The following RB1 variants were observed in gnomAD, a reference collection of about 807,000 sequenced individuals.
RB1 encodes the protein retinoblastoma-associated protein.
Under a neutral mutation model 135.4 loss-of-function variants are expected in RB1, and 18 were observed. That is an observed-to-expected ratio of 0.13 (90% CI 0.09 to 0.20). The LOEUF is 0.20. Among genes scored for constraint, RB1 ranks in the 10% least tolerant of loss-of-function variants. The pLI, the probability that RB1 is intolerant of heterozygous loss-of-function variation, is 1.00. For missense variants in RB1, 868 were observed against 1,110.0 expected (o/e 0.78, Z 3.10); for synonymous variants, 365 against 373.2 (o/e 0.98, Z 0.25).
intron 7 of RB1, 123 bp from the exon 8 acceptor site, chr13:48,362,692 C>G (rs1441897003): frequency 9.7e-7 from 1 of 1,027,446 alleles, no homozygotes; most frequent in East Asian, 2.6e-5. Flanking sequence ...TCTAATGAAA[C>G]CTAATAAGTA....
At chr13:48,307,878 T>C (rs1398344636) in intron 2 of RB1, among the ~76,000 whole-genome samples, 1 of 150,284 alleles carries the variant, frequency 6.7e-6, no homozygotes, top group East Asian at 2.0e-4. Flanking sequence ...AAAAAAAGTT[T>C]GAAAAAAATT....
At chr13:48,383,973 T>C (rs1044451242) in intron 17 of RB1, among the ~76,000 whole-genome samples, 2 of 152,084 alleles carry the variant, frequency 1.3e-5, no homozygotes, top group Admixed American at 6.6e-5. Flanking sequence ...TTGAGAGAGA[T>C]ACTGTGAAGA....
intron 17 of RB1, among the ~76,000 whole-genome samples, chr13:48,424,386 C>CTTT (rs1949050412): frequency 6.6e-6 from 1 of 151,994 alleles, no homozygotes; most frequent in Non-Finnish European, 1.5e-5. Flanking sequence ...GTTGAACCAA[C>CTTT]TTTTATAGAG....
intron 17 of RB1, among the ~76,000 whole-genome samples, chr13:48,401,634 A>C (rs936013420): frequency 6.6e-6 from 1 of 152,158 alleles, no homozygotes; most frequent in East Asian, 1.9e-4. Context: ...TGGTGTTGTT[A>C]CTAATTTACT....
At chr13:48,358,831 A>C (rs117076800) in intron 6 of RB1, among the ~76,000 whole-genome samples, 1 of 152,150 alleles carries the variant, frequency 6.6e-6, no homozygotes, top group Admixed American at 6.6e-5. Flanking sequence ...AATGAAAGCA[A>C]AAGAATGTAC....
intron 2 of RB1, among the ~76,000 whole-genome samples, chr13:48,333,890 C>T (rs1171034693): frequency 6.6e-6 from 1 of 151,868 alleles, no homozygotes; most frequent in African/African-American, 2.4e-5. Context: ...CTTCAGGATG[C>T]TTACATATTC....
At chr13:48,419,586 A>G (rs999174080) in intron 17 of RB1, among the ~76,000 whole-genome samples, 1 of 152,210 alleles carries the variant, frequency 6.6e-6, no homozygotes, top group African/African-American at 2.4e-5. Context: ...CAAAAAATCA[A>G]TGAATCCAGG....
intron 17 of RB1, among the ~76,000 whole-genome samples, chr13:48,428,757 A>G (rs999565357): frequency 5.9e-5 from 9 of 152,246 alleles, no homozygotes; most frequent in Admixed American, 3.9e-4. Context: ...ATTTGTACAT[A>G]GTAATGTGCC....
At chr13:48,415,666 T>C (rs1948896720) in intron 17 of RB1, 1 of 152,206 alleles carries the variant, frequency 6.6e-6, no homozygotes, top group Non-Finnish European at 1.5e-5. Flanking sequence ...TTCATTATTA[T>C]CAGTATCATA....
chr13:48,407,247 C>G (rs1016235499), intron 17 of RB1, among the ~76,000 whole-genome samples: 1 of 151,918 alleles, frequency 6.6e-6, no homozygotes, highest in African/African-American at 2.4e-5. Context: ...TGAATTATAC[C>G]CCTTCTGGGG....
intron 2 of RB1, among the ~76,000 whole-genome samples, chr13:48,329,777 T>A (rs1952317278): frequency 6.6e-6 from 1 of 152,110 alleles, no homozygotes; most frequent in African/African-American, 2.4e-5. Flanking sequence ...CAGCATTGTG[T>A]AGAATAAGAA....
chr13:48,476,155 A>G (rs1949502913), intron 24 of RB1, among the ~76,000 whole-genome samples: 1 of 152,196 alleles, frequency 6.6e-6, no homozygotes, highest in East Asian at 1.9e-4. Flanking sequence ...GGCAAAGCTA[A>G]TCCTCACTGT....
chr13:48,473,276 T>A, intron 23 of RB1, 84 bp from the exon 24 acceptor site: 1 of 1,081,830 alleles, frequency 9.2e-7, no homozygotes, highest in Non-Finnish European at 1.4e-6. Context: ...TTCCTAATAG[T>A]TCAGAATGAT....
intron 8 of RB1, among the ~76,000 whole-genome samples, chr13:48,363,299 C>T (rs1175832861): frequency 6.6e-6 from 1 of 151,850 alleles, no homozygotes; most frequent in Non-Finnish European, 1.5e-5. Flanking sequence ...ACCTGTAATC[C>T]CAGCTCTTTG....
chr13:48,320,647 A>T (rs1235651140), intron 2 of RB1, among the ~76,000 whole-genome samples: 1 of 152,126 alleles, frequency 6.6e-6, no homozygotes, highest in Non-Finnish European at 1.5e-5. Context: ...CCTGGCCAAC[A>T]TACTGAAACC....
In RB1 at chr13:48,419,564, C is replaced by T. The variant is rs139508457; in HGVS notation, c.1696-33429C>T. 3.2e-3 allele frequency among the ~76,000 whole-genome samples: 489 copies of T among 152,012 alleles called. 3 individuals are homozygous for T. The highest frequency in any genetic ancestry group is 0.011 in the African/African-American group (466 of 41,482). ...AGAAGAACTGAAGGAGAGAGAAACA[C>T]GAAAAACCCTTCAAAAAATCAATGA... On this transcript the variant is annotated intron_variant, in intron 17 of 26. Transcript: ENST00000267163.
In RB1 at chr13:48,465,328, G is replaced by C. The variant is rs762271261; in HGVS notation, c.2449G>C (p.Glu817Gln). Residue 817 changes from glutamate to glutamine, a missense_variant, in exon 23 of 27, where the codon GAA (glutamate) becomes CAA (glutamine). Physicochemically the swap from Glu to Gln is conservative, Grantham distance 29 (BLOSUM62 2). Around this residue, in one of 3 missense-constraint regions of RB1, gnomAD observed 196 missense variants for 239.8 expected, o/e 0.82. Transcript: ENST00000267163. ...CCTGAAGAGTCCATATAAAATTTCAGAAGGTCTGCCAACACCAACAAAAAT... is the reference window on the plus strand; with the variant it reads ...CCTGAAGAGTCCATATAAAATTTCACAAGGTCTGCCAACACCAACAAAAAT... The part of the protein sequence containing the change: ...SPLKSPYKIS[E>Q]GLPTPTKMTP... The C allele has an allele frequency of 2.5e-6, 4 of 1,610,858 alleles. No homozygotes were observed.
At chr13:48,362,700 G>A in intron 7 of RB1, 115 bp from the exon 8 acceptor site, 1 of 1,100,000 alleles carries the variant, frequency 9.1e-7, no homozygotes, top group Non-Finnish European at 1.4e-6. Flanking sequence ...AACCTAATAA[G>A]TAAAAGTAGT....
intron 13 of RB1, among the ~76,000 whole-genome samples, chr13:48,377,771 T>A (rs1030097023): frequency 6.6e-6 from 1 of 152,174 alleles, no homozygotes; most frequent in Non-Finnish European, 1.5e-5. Flanking sequence ...GCAATTTTGT[T>A]GTGTGAACCT....
Sources: allele counts gnomAD v4.1 joint callset (sites outside exome capture counted in the v4.1 genomes callset), GRCh38; gene constraint gnomAD v4.1.1; regional missense constraint gnomAD v4.1.1; transcripts MANE v1.5; gene names NCBI Gene and HGNC (gene_info 2026-07-23, HGNC 2026-07-21).